The following PHF24 variants were observed in gnomAD, a reference collection of about 807,000 sequenced individuals.
The protein encoded by PHF24 is PHD finger protein 24, also known as Galpha inhibitory interacting protein.
PHF24 carries 25 observed loss-of-function variants against 42.6 expected under a neutral mutation model. That is an observed-to-expected ratio of 0.59 (90% CI 0.43 to 0.82). PHF24 has a LOEUF of 0.82. Ranked by LOEUF, PHF24 falls within the 40% of genes least tolerant of loss-of-function variation. The pLI is 0.00. For synonymous variants in PHF24, 185 were observed against 204.8 expected (o/e 0.90, Z 0.83); for missense variants, 470 against 538.1 (o/e 0.87, Z 1.25).
At chr9:34,891,678 A>G in the PHF24 span, among the ~76,000 whole-genome samples, 2 of 152,202 alleles carry the variant, frequency 1.3e-5, no homozygotes, top group East Asian at 3.8e-4. Context: ...GCCTCTGGGC[A>G]TGGTCTAGGA....
the PHF24 span, among the ~76,000 whole-genome samples, chr9:34,847,375 G>C: frequency 8.5e-5 from 13 of 152,178 alleles, no homozygotes; most frequent in African/African-American, 3.1e-4. Flanking sequence ...GTGAACAGGA[G>C]TTCACTCATG....
the PHF24 span, among the ~76,000 whole-genome samples, chr9:34,779,240 G>A: frequency 6.6e-6 from 1 of 151,872 alleles, no homozygotes; most frequent in Admixed American, 6.6e-5. Flanking sequence ...AAATAATAAA[G>A]ATTAGAGCAG....
the PHF24 span, among the ~76,000 whole-genome samples, chr9:34,789,296 T>C: frequency 6.6e-6 from 1 of 152,130 alleles, no homozygotes; most frequent in Non-Finnish European, 1.5e-5. Flanking sequence ...TCTTTAAGAG[T>C]GTACTGACTC....
the PHF24 span, among the ~76,000 whole-genome samples, chr9:34,941,810 T>G: frequency 6.6e-6 from 1 of 152,138 alleles, no homozygotes; most frequent in East Asian, 1.9e-4. Flanking sequence ...ATTTCTACCC[T>G]CATGATCTAA....
the PHF24 span, among the ~76,000 whole-genome samples, chr9:34,816,067 CTT>C: frequency 4.0e-5 from 6 of 151,360 alleles, no homozygotes; most frequent in Non-Finnish European, 8.8e-5. Context: ...AACTGATAAG[CTT>C]TTTTATTTTT....
chr9:34,864,169 G>C, the PHF24 span, among the ~76,000 whole-genome samples: 1 of 152,166 alleles, frequency 6.6e-6, no homozygotes, highest in Non-Finnish European at 1.5e-5. Flanking sequence ...ATCCTCAGAA[G>C]GGCAAATCTG....
chr9:34,934,452 C>G, the PHF24 span, among the ~76,000 whole-genome samples: 3 of 152,164 alleles, frequency 2.0e-5, no homozygotes, highest in South Asian at 6.2e-4. Context: ...ATAAAGTAAC[C>G]TCCCTCTTCC....
chr9:34,820,512 T>A, the PHF24 span, among the ~76,000 whole-genome samples: 2 of 152,202 alleles, frequency 1.3e-5, no homozygotes, highest in Non-Finnish European at 2.9e-5. Context: ...CTGTGTTTAT[T>A]TGCTGAGAAT....
the PHF24 span, among the ~76,000 whole-genome samples, chr9:34,736,088 A>G: frequency 2.0e-5 from 3 of 152,094 alleles, no homozygotes; most frequent in East Asian, 1.9e-4. Context: ...AGTGGAGGAA[A>G]AAATAAGTGA....
At chr9:34,810,968 A>C in the PHF24 span, among the ~76,000 whole-genome samples, 2 of 151,848 alleles carry the variant, frequency 1.3e-5, no homozygotes, top group Non-Finnish European at 2.9e-5. Flanking sequence ...GATCAAGTGG[A>C]ATAACTGACT....
the PHF24 span, among the ~76,000 whole-genome samples, chr9:34,806,691 T>C: frequency 6.6e-6 from 1 of 152,192 alleles, no homozygotes; most frequent in African/African-American, 2.4e-5. Context: ...ACTACTGACC[T>C]CAAGTGATCC....
chr9:34,958,080 C>T (rs1826432465), upstream of PHF24, among the ~76,000 whole-genome samples: 1 of 149,646 alleles, frequency 6.7e-6, no homozygotes, highest in Non-Finnish European at 1.5e-5. This position sits in a 1 kb window ranked among gnomAD's most constrained non-coding sequence, Gnocchi z 4.5. Flanking sequence ...CGCCGGTCAC[C>T]CGCCGCCCGC....
chr9:34,922,423 T>C, the PHF24 span: 7 of 1,355,700 alleles, frequency 5.2e-6, no homozygotes, highest in Non-Finnish European at 7.4e-6. Context: ...AGACCCAGTC[T>C]GATAGGATAT....
At chr9:34,840,477 C>T in the PHF24 span, among the ~76,000 whole-genome samples, 148 of 151,318 alleles carry the variant, frequency 9.8e-4, no homozygotes, top group African/African-American at 3.5e-3. Context: ...TTCTCCTCCT[C>T]CTCCTTCTTC....
chr9:34,893,048 GC>G, the PHF24 span: 194,892 of 939,344 alleles, frequency 0.21, 23,227 homozygotes, highest in Admixed American at 0.27. Flanking sequence ...GTTCTCACCT[GC>G]CAGCAATTGC....
At chr9:34,666,921 G>A in the PHF24 span, among the ~76,000 whole-genome samples, 1 of 152,148 alleles carries the variant, frequency 6.6e-6, no homozygotes, top group African/African-American at 2.4e-5. Context: ...CTCCAGCCTG[G>A]GTGACAGAGT....
the PHF24 span, among the ~76,000 whole-genome samples, chr9:34,918,461 G>A: frequency 2.7e-5 from 4 of 150,312 alleles, no homozygotes; most frequent in African/African-American, 4.9e-5. Flanking sequence ...TGATTGAAGC[G>A]TTCATACCTA....
the PHF24 span, among the ~76,000 whole-genome samples, chr9:34,667,028 A>G: frequency 6.6e-6 from 1 of 152,214 alleles, no homozygotes; most frequent in Non-Finnish European, 1.5e-5. Context: ...TGGGAGGATC[A>G]AAAGAGAATA....
chr9:34,722,830 A>G, the PHF24 span, among the ~76,000 whole-genome samples: 2 of 152,194 alleles, frequency 1.3e-5, no homozygotes, highest in African/African-American at 4.8e-5. Flanking sequence ...GTTATGGGAC[A>G]GTGGAAAATA....
Sources: gnomAD v4.1 joint callset for allele counts (sites outside exome capture counted in the v4.1 genomes callset) on GRCh38, gnomAD v4.1.1 for gene constraint, Gnocchi (gnomAD v3.1) non-coding constraint, MANE v1.5 for transcripts, NCBI Gene and HGNC (gene_info 2026-07-23, HGNC 2026-07-21) for gene names.